The following PAPPA variants were observed in gnomAD, a reference collection of about 807,000 sequenced individuals.
PAPPA encodes the protein pappalysin 1.
Under a neutral mutation model 164.0 loss-of-function variants are expected in PAPPA, and 60 were observed. The observed-to-expected ratio is 0.37, with a 90% confidence interval of 0.30 to 0.45. PAPPA has a LOEUF of 0.45. PAPPA is among the 20% of genes least tolerant of loss of function. PAPPA has a pLI of 1.00. For missense variants in PAPPA, 1,782 were observed against 2,087.3 expected (o/e 0.85, Z 2.85); for synonymous variants, 875 against 814.1 (o/e 1.07, Z -1.27).
chr9:116,185,384 A>T (rs1030119432), intron 1 of PAPPA, among the ~76,000 whole-genome samples: 32 of 152,048 alleles, frequency 2.1e-4, no homozygotes, highest in African/African-American at 7.5e-4. Context: ...TGACAAAGAG[A>T]TTTACACCAA....
chr9:116,214,962 A>C (rs1844352576), intron 4 of PAPPA, among the ~76,000 whole-genome samples: 1 of 152,230 alleles, frequency 6.6e-6, no homozygotes, highest in African/African-American at 2.4e-5. Flanking sequence ...TTTGTTTCCT[A>C]AATATTTATT....
intron 16 of PAPPA, among the ~76,000 whole-genome samples, chr9:116,353,294 G>C (rs1212470246): frequency 1.3e-5 from 2 of 152,170 alleles, no homozygotes; most frequent in African/African-American, 4.8e-5. Flanking sequence ...TAGTTGTTCA[G>C]TAAATGGTGG....
intron 7 of PAPPA, among the ~76,000 whole-genome samples, chr9:116,262,369 C>T (rs1845013626): frequency 6.6e-6 from 1 of 152,122 alleles, no homozygotes; most frequent in Admixed American, 6.6e-5. Context: ...CTTAAAATGG[C>T]ATTCAGAATT....
At chr9:116,319,192 G>A (rs113736057) in intron 10 of PAPPA, among the ~76,000 whole-genome samples, 473 of 152,322 alleles carry the variant, frequency 3.1e-3, no homozygotes, top group Non-Finnish European at 4.8e-3. Context: ...GCCTGCGGAG[G>A]GCCCGTGTGA....
At chr9:116,317,923 C>A (rs1204293441) in intron 10 of PAPPA, among the ~76,000 whole-genome samples, 1 of 152,184 alleles carries the variant, frequency 6.6e-6, no homozygotes. Context: ...TCTTTCAGTA[C>A]AAATGCAAAA....
At chr9:116,346,576 A>G (rs1846212671) in intron 14 of PAPPA, among the ~76,000 whole-genome samples, 1 of 152,162 alleles carries the variant, frequency 6.6e-6, no homozygotes, top group Non-Finnish European at 1.5e-5. Context: ...ACTCCTCTAG[A>G]GCTAATAAAA....
chr9:116,277,006 C>T (rs541330592), intron 9 of PAPPA, among the ~76,000 whole-genome samples: 6 of 151,792 alleles, frequency 4.0e-5, no homozygotes, highest in East Asian at 1.9e-4. Context: ...TGAATCGCCA[C>T]GTCTTCTTGG....
chr9:116,197,867 A>T (rs913549750), intron 2 of PAPPA, among the ~76,000 whole-genome samples: 1 of 152,242 alleles, frequency 6.6e-6, no homozygotes, highest in African/African-American at 2.4e-5. Flanking sequence ...TGGTGATTAT[A>T]TAATTCTTGA....
chr9:116,236,897 T>G (rs529211629), intron 7 of PAPPA, among the ~76,000 whole-genome samples: 1 of 152,332 alleles, frequency 6.6e-6, no homozygotes, highest in Admixed American at 6.5e-5. Flanking sequence ...TTCTGACTCC[T>G]AAGCCACTGC....
At chr9:116,326,997 G>T (rs1845928878) in intron 10 of PAPPA, among the ~76,000 whole-genome samples, 1 of 152,128 alleles carries the variant, frequency 6.6e-6, no homozygotes, top group African/African-American at 2.4e-5. Flanking sequence ...TGGACATGTA[G>T]GTTGTTACAT....
chr9:116,171,433 C>T (rs978057701), intron 1 of PAPPA, among the ~76,000 whole-genome samples: 2 of 152,174 alleles, frequency 1.3e-5, no homozygotes, highest in African/African-American at 4.8e-5. Context: ...TTCTCAACAA[C>T]AAACACATGG....
intron 7 of PAPPA, among the ~76,000 whole-genome samples, chr9:116,238,092 A>G (rs1844692833): frequency 6.6e-6 from 1 of 152,072 alleles, no homozygotes; most frequent in Non-Finnish European, 1.5e-5. Context: ...CTTGTATCCC[A>G]TCTCCACTCT....
At chr9:116,210,904 G>T (rs561396286) in intron 3 of PAPPA, among the ~76,000 whole-genome samples, 3 of 152,138 alleles carry the variant, frequency 2.0e-5, no homozygotes, top group Non-Finnish European at 4.4e-5. Flanking sequence ...TCTCACACTA[G>T]ATTAGTTAAA....
chr9:116,377,431 G>A (rs1357524882), intron 19 of PAPPA, 145 bp from the exon 20 acceptor site: 11 of 602,590 alleles, frequency 1.8e-5, no homozygotes, highest in Admixed American at 9.3e-5. Context: ...GCAAGTACCC[G>A]GGCAAGTTCT....
rs1173626156 is a variant in PAPPA, at chr9:116,339,583, G to T, written c.3611+4509G>T. Among the ~76,000 whole-genome samples, 3 of 152,198 alleles carry T rather than the reference G, an allele frequency of 2.0e-5. No individual in the cohort carries two copies. The East Asian group carries it at 5.8e-4, about 29-fold the overall frequency. ...ACTTCCTAAGTGAACTTGCAGAATT[G>T]ATGCCAAGAACAGTTTTCCCTCCAT... On this transcript the variant is annotated intron_variant, in intron 13 of 21. Coordinates refer to ENST00000328252, the MANE Select transcript of PAPPA (RefSeq NM_002581.5).
Position 116,187,350 on chromosome 9 carries a change from T to C in PAPPA, c.612T>C (p.Asp204=), listed in dbSNP as rs766145458. Residue 204 remains aspartate (D), a synonymous_variant, in exon 2 of 22, where the codon GAT becomes GAC. Transcript: ENST00000328252. The surrounding 1 kb of genome is among the most constrained non-coding windows in gnomAD (Gnocchi z 4.2). ...GGGTATACCTAGCTGCCACCTATGA[T>C]GGGCAGTTCATGAAGCTCTATGTGA... is the stretch of plus-strand genomic sequence containing the variant. ...GQWVYLAATY[D]GQFMKLYVNG... 1 of 1,614,132 alleles carries C rather than the reference T, an allele frequency of 6.2e-7. No individual in the cohort carries two copies. The highest frequency in any genetic ancestry group is 8.5e-7 in the Non-Finnish European group (1 of 1,180,040).
chr9:116,207,670 CATT>C, intron 3 of PAPPA, 69 bp downstream of exon 3: 1 of 1,176,368 alleles, frequency 8.5e-7, no homozygotes, highest in Non-Finnish European at 1.2e-6. Flanking sequence ...CGATGATGAT[CATT>C]GTTACGATCA....
At chr9:116,377,467 G>C (rs1846670404) in intron 19 of PAPPA, 109 bp from the exon 20 acceptor site, 1 of 702,288 alleles carries the variant, frequency 1.4e-6, no homozygotes, top group Non-Finnish European at 2.5e-6. Flanking sequence ...GGTGAGGTCA[G>C]GAATTGGAAG....
Position 116,396,811 on chromosome 9 carries a change from T to G in PAPPA, c.*195T>G. ...AACCAAGTTTCGCCATGCTGGATGA[T>G]GAAATGGATTCCCATCCCAAAGTCT... is the stretch of plus-strand genomic sequence containing the variant. On this transcript the variant is annotated 3_prime_UTR_variant, in exon 22 of 22. Transcript: ENST00000328252. The G allele has an allele frequency of 1.7e-6, 1 of 585,340 alleles. No individual in the cohort carries two copies. Among genetic ancestry groups the G allele is most frequent in the East Asian group, 2.8e-5 (1 of 35,730 alleles). The allele number at this position is 585,340 out of a possible 1,614,324, so 36.3% of individuals were successfully genotyped here.
Sources: gnomAD v4.1 joint callset for allele counts (sites outside exome capture counted in the v4.1 genomes callset) on GRCh38, gnomAD v4.1.1 for gene constraint, Gnocchi (gnomAD v3.1) non-coding constraint, MANE v1.5 for transcripts, NCBI Gene and HGNC (gene_info 2026-07-23, HGNC 2026-07-21) for gene names.